The following CSMD1 variants were observed in gnomAD, a reference collection of about 807,000 sequenced individuals.
CSMD1 encodes the protein CUB and Sushi multiple domains 1, also known as CUB and sushi domain-containing protein 1.
In CSMD1, 213 loss-of-function variants were observed where a neutral mutation model predicts 417.5. The ratio of observed to expected loss-of-function variants is 0.51; its 90% CI spans 0.46 to 0.57. The LOEUF (loss-of-function observed/expected upper bound fraction) is 0.57. Ranked by LOEUF, CSMD1 falls within the 20% of genes least tolerant of loss-of-function variation. The probability of loss-of-function intolerance (pLI) is 0.00; values close to 1 mark genes in which losing one functional copy is unlikely to be tolerated. For synonymous variants in CSMD1, 2,862 were observed against 1,736.8 expected, an observed-to-expected ratio of 1.65 and a Z score of -16.11; for missense variants, 6,923 against 4,529.7, an observed-to-expected ratio of 1.53 and a Z score of -15.17.
At chr8:3,477,956 G>T (rs1192273938) in intron 11 of CSMD1, among the ~76,000 whole-genome samples, 1 of 152,078 alleles carries the variant, frequency 6.6e-6, no homozygotes, top group Non-Finnish European at 1.5e-5. Context: ...ATAAGTCAAG[G>T]GAGTGCTTTC....
chr8:4,985,514 A>T (rs1584953828), intron 1 of CSMD1, among the ~76,000 whole-genome samples: 1 of 152,176 alleles, frequency 6.6e-6, no homozygotes, highest in African/African-American at 2.4e-5. Context: ...TCAAGAGTCA[A>T]GTCTTCCCAA....
chr8:4,086,625 A>G (rs1397699491), intron 3 of CSMD1, among the ~76,000 whole-genome samples: 1 of 152,204 alleles, frequency 6.6e-6, no homozygotes, highest in Non-Finnish European at 1.5e-5. Flanking sequence ...CAGACGCGAG[A>G]CTTTTCTTAA....
chr8:4,244,095 A>T (rs1276533841), intron 3 of CSMD1, among the ~76,000 whole-genome samples: 1 of 152,140 alleles, frequency 6.6e-6, no homozygotes. Context: ...TGTGCATCTG[A>T]AGATGACTAC....
chr8:3,142,796 A>G, intron 40 of CSMD1, 122 bp from the exon 41 acceptor site: 1 of 870,906 alleles, frequency 1.1e-6, no homozygotes, highest in East Asian at 2.4e-5. Context: ...AGACAGAACC[A>G]TGCCGTGGAG....
chr8:3,566,541 G>C (rs553652531), intron 10 of CSMD1, among the ~76,000 whole-genome samples: 3 of 149,374 alleles, frequency 2.0e-5, no homozygotes, highest in Non-Finnish European at 4.5e-5. Context: ...ACCTCCCTTT[G>C]TCCATAGAGG....
chr8:4,377,864 T>G (rs12679445), intron 3 of CSMD1, among the ~76,000 whole-genome samples: 5 of 152,022 alleles, frequency 3.3e-5, no homozygotes, highest in Non-Finnish European at 7.4e-5. Context: ...GTAACTGTGA[T>G]TACTGCCGAA....
At chr8:4,830,723 G>A (rs967794655) in intron 1 of CSMD1, among the ~76,000 whole-genome samples, 1 of 152,216 alleles carries the variant, frequency 6.6e-6, no homozygotes, top group East Asian at 1.9e-4. Flanking sequence ...CTGTGTCATT[G>A]TATCTTCGCT....
chr8:4,331,126 A>G (rs936431043), intron 3 of CSMD1, among the ~76,000 whole-genome samples: 8 of 152,170 alleles, frequency 5.3e-5, no homozygotes, highest in African/African-American at 1.9e-4. Flanking sequence ...ATATTTCCCG[A>G]AACTAAACTA....
chr8:3,714,076 A>G (rs962570308), intron 6 of CSMD1, among the ~76,000 whole-genome samples: 2 of 144,048 alleles, frequency 1.4e-5, no homozygotes, highest in African/African-American at 5.0e-5. Flanking sequence ...ACATACACAC[A>G]TATGTATATA....
chr8:4,719,126 A>C (rs979068058), intron 1 of CSMD1, among the ~76,000 whole-genome samples: 1 of 152,214 alleles, frequency 6.6e-6, no homozygotes, highest in Non-Finnish European at 1.5e-5. Flanking sequence ...AATGATGAAC[A>C]AGAAACTAAA....
intron 3 of CSMD1, among the ~76,000 whole-genome samples, chr8:4,195,501 A>G (rs747829451): frequency 2.0e-5 from 3 of 152,210 alleles, no homozygotes; most frequent in Non-Finnish European, 2.9e-5. Flanking sequence ...TGTTGTTCAC[A>G]TCTCTGTATG....
At chr8:3,081,801 A>AT (rs143763858) in intron 49 of CSMD1, among the ~76,000 whole-genome samples, 2 of 152,348 alleles carry the variant, frequency 1.3e-5, no homozygotes, top group Non-Finnish European at 2.9e-5. Flanking sequence ...GATAAAGCAA[A>AT]TGAAGCATCC....
chr8:4,859,052 T>C (rs959747370), intron 1 of CSMD1, among the ~76,000 whole-genome samples: 1 of 151,758 alleles, frequency 6.6e-6, no homozygotes, highest in African/African-American at 2.4e-5. Context: ...AGCATGGTAC[T>C]GGTACCAAAA....
chr8:3,494,586 AG>A (rs1232200953), intron 10 of CSMD1, among the ~76,000 whole-genome samples: 3 of 151,914 alleles, frequency 2.0e-5, no homozygotes, highest in Non-Finnish European at 4.4e-5. Flanking sequence ...ATAGATAGAT[AG>A]ATAGATAGAT....
Position 4,665,068 on chromosome 8 carries a change from A to T in CSMD1, c.86-27510T>A, listed in dbSNP as rs187485718. 1.8e-4 allele frequency among the ~76,000 whole-genome samples: 28 copies of T among 152,306 alleles called. No homozygotes were observed. The East Asian group carries it at 4.6e-3, about 25-fold the overall frequency. ...ATTATTAATTTGCAGAAAAGGTATT[A>T]GTTTCCCTTTACTCTCCTTCCACCT... On this transcript the variant is annotated intron_variant, in intron 1 of 69. Transcript: ENST00000635120.
At chr8:4,368,936 TAGC>T (rs962919403) in intron 3 of CSMD1, among the ~76,000 whole-genome samples, 1 of 152,184 alleles carries the variant, frequency 6.6e-6, no homozygotes, top group African/African-American at 2.4e-5. Context: ...ATATGGATTT[TAGC>T]AGTTCAATTT....
At chr8:3,389,999 T>G (rs1210844346) in intron 17 of CSMD1, among the ~76,000 whole-genome samples, 1 of 152,118 alleles carries the variant, frequency 6.6e-6, no homozygotes, top group African/African-American at 2.4e-5. Context: ...ACATTCGATT[T>G]CCAGTTCAAC....
At chr8:3,607,342 G>A (rs1801668254) in intron 8 of CSMD1, among the ~76,000 whole-genome samples, 1 of 152,158 alleles carries the variant, frequency 6.6e-6, no homozygotes, top group South Asian at 2.1e-4. Context: ...ACCACCTGAA[G>A]GACCTGCCTG....
chr8:4,182,533 C>G (rs527366708), intron 3 of CSMD1, among the ~76,000 whole-genome samples: 1 of 152,012 alleles, frequency 6.6e-6, no homozygotes, highest in Non-Finnish European at 1.5e-5. Context: ...TATGCTCAAT[C>G]GATATTTGTT....
Sources: gnomAD v4.1 joint callset for allele counts (sites outside exome capture counted in the v4.1 genomes callset) on GRCh38, gnomAD v4.1.1 for gene constraint, MANE v1.5 for transcripts, NCBI Gene and HGNC (gene_info 2026-07-23, HGNC 2026-07-21) for gene names.